Variants in DCP1A observed in about 807,000 individuals in gnomAD.
DCP1A encodes the protein decapping mRNA 1A.
DCP1A carries 20 observed loss-of-function variants against 58.0 expected under a neutral mutation model. The ratio of observed to expected loss-of-function variants is 0.34; its 90% confidence interval spans 0.24 to 0.50. The LOEUF is 0.50. Among genes scored for constraint, DCP1A ranks in the 20% least tolerant of loss-of-function variants. DCP1A has a pLI of 0.98. For synonymous variants in DCP1A, 285 were observed against 275.1 expected (o/e 1.04, Z -0.36); for missense variants, 613 against 712.2 (o/e 0.86, Z 1.59).
chr3:53,292,633 G>C lies in DCP1A; in HGVS notation c.819C>G (p.Thr273=), dbSNP rs1553686298. 2 of 1,613,580 alleles carry C rather than the reference G, an allele frequency of 1.2e-6. No homozygotes were observed. Among genetic ancestry groups the C allele is most frequent in the Non-Finnish European group, 1.7e-6 (2 of 1,179,756 alleles). ...GGTGGGCAGCAGAAGGGACACCCAG[G>C]GTTTCTGATTGAGGGGCTCCTCCTA... ...EQLGGAPQSE[T]LGVPSAAHHS... The change falls in exon 7 of 10, where the codon ACC becomes ACG. Residue 273 remains threonine, a synonymous_variant. Transcript: ENST00000610213.
intron 3 of DCP1A, among the ~76,000 whole-genome samples, chr3:53,335,099 G>C (rs1329676681): frequency 6.6e-6 from 1 of 151,002 alleles, no homozygotes. Context: ...GTGTGTGTGT[G>C]TGTGTGCACG....
intron 5 of DCP1A, 35 bp downstream of exon 5, chr3:53,312,206 C>T: frequency 6.5e-7 from 1 of 1,544,792 alleles, no homozygotes; most frequent in Non-Finnish European, 8.7e-7. Flanking sequence ...TTTTGGTCTT[C>T]CCTGGTCAGC....
In DCP1A at chr3:53,290,794, G is replaced by A. The variant is rs782025873; in HGVS notation, c.1446C>T (p.Ile482=). 65 of 1,534,062 alleles carry A rather than the reference G, an allele frequency of 4.2e-5. No individual in the cohort carries two copies. Among genetic ancestry groups the A allele is most frequent in the Non-Finnish European group, 5.4e-5 (61 of 1,120,522 alleles). ...AAAAAAAAAAGCGAGTCCTTACCGG[G>A]ATGGCACTGGATAACACCTTAGGCT... The part of the protein sequence containing the change: ...FVQPKVLSSA[I]PVAGAPLVTA... Residue 482 remains isoleucine, a synonymous_variant, in exon 8 of 10, where the codon ATC becomes ATT. Coordinates refer to ENST00000610213, the MANE Select transcript of DCP1A (RefSeq NM_018403.7).
chr3:53,293,300 C>T (rs1366647603), intron 6 of DCP1A, among the ~76,000 whole-genome samples: 2 of 152,186 alleles, frequency 1.3e-5, no homozygotes, highest in Middle Eastern at 3.2e-3. Flanking sequence ...ATCCCCAACT[C>T]CCACTGCCTT....
Position 53,335,086 on chromosome 3 carries a change from G to T in DCP1A, c.304+7058C>A, listed in dbSNP as rs1226313181. ...TTGACATCTCATCAGAATGTGTCTG[G>T]GTGTGTGTGTGTGTGTGTGCACGCG... On this transcript the variant is annotated intron_variant, in intron 3 of 9. Transcript: ENST00000610213. Among the ~76,000 whole-genome samples, 6 of 145,278 alleles carry T rather than the reference G, an allele frequency of 4.1e-5. No individual in the cohort carries two copies. In the South Asian group the frequency reaches 1.1e-3, roughly 27 times the overall value.
chr3:53,333,858 ATG>A (rs2089062652), intron 3 of DCP1A, among the ~76,000 whole-genome samples: 1 of 152,160 alleles, frequency 6.6e-6, no homozygotes, highest in Non-Finnish European at 1.5e-5. Flanking sequence ...TTTACCGTGT[ATG>A]ACTCACACAG....
chr3:53,308,748 C>T (rs1707551317), intron 5 of DCP1A, among the ~76,000 whole-genome samples: 1 of 151,882 alleles, frequency 6.6e-6, no homozygotes, highest in Non-Finnish European at 1.5e-5. Context: ...TGTGTGCCAC[C>T]ATGCCTAACT....
At chr3:53,302,355 G>A (rs1391456410) in intron 6 of DCP1A, among the ~76,000 whole-genome samples, 1 of 152,152 alleles carries the variant, frequency 6.6e-6, no homozygotes, top group African/African-American at 2.4e-5. Context: ...CAGACTATCA[G>A]TTATAAAGAG....
intron 6 of DCP1A, among the ~76,000 whole-genome samples, chr3:53,297,430 G>A (rs782805026): frequency 1.3e-5 from 2 of 151,152 alleles, no homozygotes; most frequent in Non-Finnish European, 2.9e-5. Flanking sequence ...GTGTGATCAC[G>A]GCTCACTGCA....
chr3:53,345,635 A>G (rs1252171025), intron 1 of DCP1A, among the ~76,000 whole-genome samples: 5 of 152,186 alleles, frequency 3.3e-5, no homozygotes, highest in African/African-American at 1.2e-4. Context: ...ACAGCCTACA[A>G]TGGACCTAAA....
rs1224052583 is a variant in DCP1A, at chr3:53,330,825, A to ATAT, written c.304+11318_304+11319insATA. On this transcript the variant is annotated intron_variant, in intron 3 of 9. Coordinates refer to ENST00000610213, the MANE Select transcript of DCP1A (RefSeq NM_018403.7). Reference sequence around the variant, plus strand: ...ACACAATATATACACATATATATATATTTTTTTTTTTTTTGAGATGGAGTA... The same window carrying ATAT: ...ACACAATATATACACATATATATATATATTTTTTTTTTTTTTTGAGATGGAGTA... 3.3e-4 allele frequency among the ~76,000 whole-genome samples: 40 copies of ATAT among 121,628 alleles called. No homozygotes were observed. The East Asian group carries it at 4.1e-3, about 13-fold the overall frequency. The allele number at this position is 121,628 out of a possible 152,430, so 79.8% of individuals were successfully genotyped here. A position where few individuals can be genotyped will look rare whatever the true frequency, so the allele number is the denominator to read the frequency against.
intron 6 of DCP1A, among the ~76,000 whole-genome samples, chr3:53,294,036 C>T (rs1205889809): frequency 6.6e-6 from 1 of 152,140 alleles, no homozygotes; most frequent in Non-Finnish European, 1.5e-5. Flanking sequence ...CTGGGGAGCA[C>T]AGCCACTGAG....
intron 4 of DCP1A, among the ~76,000 whole-genome samples, chr3:53,315,534 CAAAAAAAAAAAA>C (rs1211486616): frequency 1.5e-5 from 1 of 64,992 alleles, no homozygotes; most frequent in Non-Finnish European, 2.7e-5. Context: ...GACTCTGTCT[CAAAAAAAAAAAA>C]AAAAAAAAAA....
At chr3:53,338,274 C>T (rs1179044663) in intron 3 of DCP1A, 1 of 271,128 alleles carries the variant, frequency 3.7e-6, no homozygotes, top group African/African-American at 2.2e-5. Context: ...GGCCCTTGCA[C>T]AGAATAAAAA....
intron 5 of DCP1A, among the ~76,000 whole-genome samples, chr3:53,304,825 C>T (rs751698017): frequency 1.3e-5 from 2 of 152,000 alleles, no homozygotes; most frequent in African/African-American, 2.4e-5. Context: ...CCTTGTGATC[C>T]ATCCACCTCG....
At chr3:53,314,420 G>T (rs1213821223) in intron 4 of DCP1A, among the ~76,000 whole-genome samples, 1 of 152,142 alleles carries the variant, frequency 6.6e-6, no homozygotes, top group Non-Finnish European at 1.5e-5. Context: ...CTTCATGGTA[G>T]ACTGAAAGAC....
intron 5 of DCP1A, among the ~76,000 whole-genome samples, chr3:53,305,641 C>T (rs782615446): frequency 1.3e-5 from 2 of 152,116 alleles, no homozygotes; most frequent in African/African-American, 2.4e-5. Flanking sequence ...TGAGCCACAT[C>T]GTGCCTGGCA....
At chr3:53,293,543 C>T (rs527489340) in intron 6 of DCP1A, among the ~76,000 whole-genome samples, 83 of 152,254 alleles carry the variant, frequency 5.5e-4, no homozygotes, top group African/African-American at 1.9e-3. Context: ...AAGGGAGTAA[C>T]AACAGTTCTC....
Position 53,287,609 on chromosome 3 carries a change from T to A in DCP1A, c.1720A>T (p.Thr574Ser). 1 of 1,612,244 alleles carries A rather than the reference T, an allele frequency of 6.2e-7. No individual in the cohort carries two copies. Among genetic ancestry groups the A allele is most frequent in the Non-Finnish European group, 8.5e-7 (1 of 1,178,366 alleles). ...TLHEVYLQVL[T>S]KNKDNHNL ...AGGTTGTGGTTGTCTTTGTTCTTGG[T>A]CAGAACCTGCAAGTAGACTTCATGA... is the stretch of plus-strand genomic sequence containing the variant. Residue 574 changes from threonine (T) to serine (S), a missense_variant, in exon 10 of 10, where the codon ACC becomes TCC. Thr to Ser is a moderately conservative substitution (Grantham distance 58, BLOSUM62 1). Coordinates refer to ENST00000610213, the MANE Select transcript of DCP1A (RefSeq NM_018403.7).
Sources: gnomAD v4.1 joint callset for allele counts (sites outside exome capture counted in the v4.1 genomes callset) on GRCh38, gnomAD v4.1.1 for gene constraint, MANE v1.5 for transcripts, NCBI Gene and HGNC (gene_info 2026-07-23, HGNC 2026-07-21) for gene names.